Variants in BAZ2A observed in about 807,000 individuals in gnomAD.
The protein encoded by BAZ2A is bromodomain adjacent to zinc finger domain 2A.
Under a neutral mutation model 199.9 loss-of-function variants are expected in BAZ2A, and 34 were observed. The ratio of observed to expected loss-of-function variants is 0.17; its 90% CI spans 0.13 to 0.23. BAZ2A has a LOEUF of 0.23. Ranked by LOEUF, BAZ2A falls within the 10% of genes least tolerant of loss-of-function variation. The pLI is 1.00. For missense variants in BAZ2A, 2,002 were observed against 2,391.1 expected (o/e 0.84, Z 3.39); for synonymous variants, 857 against 883.9 (o/e 0.97, Z 0.54).
intron 10 of BAZ2A, among the ~76,000 whole-genome samples, chr12:56,608,837 G>A (rs1950457764): frequency 1.3e-5 from 2 of 150,460 alleles, no homozygotes; most frequent in South Asian, 4.2e-4. Context: ...CCAAAGTGGT[G>A]GGATTACAGG....
rs780677811 is a variant in BAZ2A at position 56,603,669 on chromosome 12, G to T, written c.3070C>A (p.Arg1024=). Residue 1024 remains arginine, a synonymous_variant, in exon 17 of 29, where the codon CGG becomes AGG. Transcript: ENST00000549884. The stretch of plus-strand genomic sequence containing the variant: ...GGCCCTTCCATCTCTACTTCAGACC[G>T]CCCAGTTCGCTTGGCCAGAACAGTT... ...LKTVLAKRTG[R]SEVEMEGPEE... is the part of the protein sequence containing the mutation. The T allele has an allele frequency of 1.9e-5, 30 of 1,613,928 alleles. No individual in the cohort carries two copies. In the Admixed American group the frequency reaches 4.2e-4, roughly 22 times the overall value.
At chr12:56,630,631 G>T, upstream of BAZ2A, 1 of 407,246 alleles carries the variant, frequency 2.5e-6, no homozygotes, top group Non-Finnish European at 3.3e-6. Context: ...TTCTCTAACA[G>T]GCTGGTAGGG....
upstream of BAZ2A, among the ~76,000 whole-genome samples, chr12:56,631,786 G>T (rs1046610266): frequency 6.6e-6 from 1 of 152,126 alleles, no homozygotes; most frequent in African/African-American, 2.4e-5. Flanking sequence ...GTCTGAGGAG[G>T]AAAGAGATCT....
intron 13 of BAZ2A, 139 bp downstream of exon 13, chr12:56,605,691 G>A: frequency 1.0e-6 from 1 of 988,016 alleles, no homozygotes; most frequent in Non-Finnish European, 1.5e-6. Flanking sequence ...CAAAGTGCTG[G>A]GATTACAGTG....
At position 56,611,601 on chromosome 12, in the gene BAZ2A, C is replaced by T; in HGVS notation, c.1642G>A (p.Glu548Lys). 6.2e-7 allele frequency: 1 copy of T among 1,612,562 alleles called. No homozygotes were observed. Among genetic ancestry groups the T allele is most frequent in the South Asian group, 1.1e-5 (1 of 90,710 alleles). The change falls in exon 7 of 29, where the codon GAA becomes AAA. Residue 548 changes from glutamate to lysine, a missense_variant. By Grantham distance (56) the Glu-to-Lys change is moderately conservative. Transcript: ENST00000549884. ...DVMRRRIATPEEVRLPLQHGW... is the reference protein window; with the variant it reads ...DVMRRRIATPKEVRLPLQHGW... ...TGTTGGAGGGGAAGACGAACTTCTT[C>T]TGGGGTAGCAATACGTCTCCTCATG...
rs1555204160 is a variant in BAZ2A, at chr12:56,597,562, G to GCGCGCACACACACACACACA, written c.*1055_*1056insTGTGTGTGTGTGTGTGCGCG. The GCGCGCACACACACACACACA allele has an allele frequency of 2.9e-5, 4 of 138,618 alleles. No homozygotes were observed. Among genetic ancestry groups the GCGCGCACACACACACACACA allele is most frequent in the African/African-American group, 1.2e-4 (4 of 33,542 alleles). The allele number at this position is 138,618 out of a possible 1,614,324, so 8.6% of individuals were successfully genotyped here. A position where few individuals can be genotyped will look rare whatever the true frequency, so the allele number is the denominator to read the frequency against. On this transcript the variant is annotated 3_prime_UTR_variant, in exon 29 of 29. Coordinates refer to ENST00000549884, the MANE Select transcript of BAZ2A (RefSeq NM_001300905.2). ...TCAAACAATACAGGGTCACAAGCAC[G>GCGCGCACACACACACACACA]CACACACACACACACACACAGCGCG...
upstream of BAZ2A, chr12:56,634,916 C>G: frequency 1.0e-6 from 1 of 985,230 alleles, no homozygotes; most frequent in Non-Finnish European, 1.2e-6. Flanking sequence ...CAAGGGACTC[C>G]GGAGCTGGAG....
At chr12:56,638,206 T>A, upstream of BAZ2A, 7 of 893,306 alleles carry the variant, frequency 7.8e-6, no homozygotes, top group Non-Finnish European at 1.1e-5. Context: ...TTGGAAACCT[T>A]AAATACTGTT....
At position 56,605,557 on chromosome 12, in the gene BAZ2A, G is replaced by A. The variant is rs904907307; in HGVS notation, c.2494-230C>T. On this transcript the variant is annotated intron_variant, in intron 13 of 28. Coordinates refer to ENST00000549884, the MANE Select transcript of BAZ2A (RefSeq NM_001300905.2). ...CCACCTCAGTCTCTCAAATAGCTGG[G>A]ACTACAGGTACATGCCACCACACCC... 6 of 615,000 alleles carry A rather than the reference G, an allele frequency of 9.8e-6. No individual in the cohort carries two copies. The African/African-American group carries it at 1.1e-4, about 11-fold the overall frequency. 38.1% of individuals were successfully genotyped at this position (615,000 alleles called of 1,614,324 possible). A position where few individuals can be genotyped will look rare whatever the true frequency, so the allele number is the denominator to read the frequency against.
intron 1 of BAZ2A, among the ~76,000 whole-genome samples, chr12:56,627,258 C>A (rs1034004336): frequency 6.6e-6 from 1 of 151,558 alleles, no homozygotes; most frequent in Non-Finnish European, 1.5e-5. Flanking sequence ...AGGCTCAATT[C>A]GAGTTCGAGA....
At chr12:56,602,296 TC>T in intron 19 of BAZ2A, 104 bp from the exon 20 acceptor site, 1 of 1,058,850 alleles carries the variant, frequency 9.4e-7, no homozygotes, top group Non-Finnish European at 1.3e-6. Context: ...TTGGACTTAG[TC>T]CCCCTTTTTT....
At chr12:56,634,976 G>A (rs1489266298), upstream of BAZ2A, 3 of 984,850 alleles carry the variant, frequency 3.0e-6, no homozygotes, top group African/African-American at 5.3e-5. Context: ...GGCGGCGGCG[G>A]CGGCGGCAGA....
At chr12:56,598,833 A>G in intron 28 of BAZ2A, 35 bp downstream of exon 28, 1 of 1,608,836 alleles carries the variant, frequency 6.2e-7, no homozygotes, top group Non-Finnish European at 8.5e-7. Context: ...TTGCAGCAGT[A>G]GCAAAGACCG....
At chr12:56,614,400 T>C (rs12308290) in intron 3 of BAZ2A, 7,612 of 384,398 alleles carry the variant, frequency 0.02, 486 homozygotes, top group African/African-American at 0.14. Flanking sequence ...ATCTCCTCCA[T>C]CCATTGGGAA....
intron 1 of BAZ2A, among the ~76,000 whole-genome samples, chr12:56,625,399 G>A (rs28753857): frequency 0.012 from 1,890 of 151,730 alleles, 24 homozygotes; most frequent in African/African-American, 0.043. Flanking sequence ...CAGGTGATCC[G>A]CACGCCTCAG....
At chr12:56,610,556 C>A in intron 7 of BAZ2A, 39 bp from the exon 8 acceptor site, 1 of 1,571,364 alleles carries the variant, frequency 6.4e-7, no homozygotes, top group Non-Finnish European at 8.7e-7. Context: ...CCAGGTCACA[C>A]CCCTACCCAC....
In BAZ2A at chr12:56,604,626, G is replaced by C. The variant is rs1231423371; in HGVS notation, c.2922C>G (p.Ala974=). Residue 974 remains alanine, a synonymous_variant, in exon 15 of 29, where the codon GCC becomes GCG. Transcript: ENST00000549884. ...AGCCATTGAGCTCATGCACAAGGAA[G>C]GCCAGGACAGCAGCCTTCTGCTGGG... ...QPPQQKAAVL[A]FLVHELNGST... is the part of the protein sequence containing the mutation. 3 of 1,604,978 alleles carry C rather than the reference G, an allele frequency of 1.9e-6. No individual in the cohort carries two copies. The highest frequency in any genetic ancestry group is 2.6e-6 in the Non-Finnish European group (3 of 1,175,724).
At chr12:56,631,875 C>G (rs945396181), upstream of BAZ2A, among the ~76,000 whole-genome samples, 14 of 152,118 alleles carry the variant, frequency 9.2e-5, no homozygotes, top group Admixed American at 1.3e-4. Flanking sequence ...TGGGCTCTTC[C>G]TGAATTTTGG....
chr12:56,615,003 C>G lies in BAZ2A; in HGVS notation c.730+11G>C. 1.2e-6 allele frequency: 2 copies of G among 1,606,604 alleles called. No homozygotes were observed. The highest frequency in any genetic ancestry group is 1.7e-6 in the Non-Finnish European group (2 of 1,176,718). ...TTCCTTTCCCCACCCAGTTCACCAACCCAGTTATACCTGGCTGCTCTTCTT... is the reference window on the plus strand; with the variant it reads ...TTCCTTTCCCCACCCAGTTCACCAAGCCAGTTATACCTGGCTGCTCTTCTT... On this transcript the variant is annotated intron_variant, in intron 3 of 28. Coordinates refer to ENST00000549884, the MANE Select transcript of BAZ2A (RefSeq NM_001300905.2).
Sources: gnomAD v4.1 joint callset for allele counts (sites outside exome capture counted in the v4.1 genomes callset) on GRCh38, gnomAD v4.1.1 for gene constraint, MANE v1.5 for transcripts, NCBI Gene and HGNC (gene_info 2026-07-23, HGNC 2026-07-21) for gene names.